Variants in IRAK2 observed in about 807,000 individuals in gnomAD.
The protein encoded by IRAK2 is interleukin 1 receptor associated kinase 2.
Under a neutral mutation model 72.0 loss-of-function variants are expected in IRAK2, and 57 were observed. The observed-to-expected ratio is 0.79, with a 90% CI of 0.64 to 0.99. The LOEUF (loss-of-function observed/expected upper bound fraction) is 0.99, where lower values mean the gene tolerates loss of function less well. Ranked by LOEUF, IRAK2 falls within the 50% of genes least tolerant of loss-of-function variation. IRAK2 has a pLI of 0.00. For synonymous variants in IRAK2, 293 were observed against 312.7 expected (o/e 0.94, Z 0.67); for missense variants, 790 against 794.4 (o/e 0.99, Z 0.07).
intron 10 of IRAK2, among the ~76,000 whole-genome samples, chr3:10,230,612 C>G (rs1697845416): frequency 6.6e-6 from 1 of 152,160 alleles, no homozygotes; most frequent in African/African-American, 2.4e-5. Context: ...CTCTGCCACC[C>G]TGGCTAGTAT....
chr3:10,218,459 G>A (rs1355951557), intron 7 of IRAK2, among the ~76,000 whole-genome samples: 1 of 148,756 alleles, frequency 6.7e-6, no homozygotes, highest in Non-Finnish European at 1.5e-5. Context: ...AAACGGTGAT[G>A]ATTTAGCCTG....
chr3:10,194,915 C>T (rs545868093), intron 2 of IRAK2, among the ~76,000 whole-genome samples: 14 of 152,276 alleles, frequency 9.2e-5, no homozygotes, highest in Admixed American at 3.3e-4. Flanking sequence ...GCTGGTGTGA[C>T]CTGGTGCCTC....
At chr3:10,194,867 T>C (rs1054293002) in intron 2 of IRAK2, among the ~76,000 whole-genome samples, 1 of 152,180 alleles carries the variant, frequency 6.6e-6, no homozygotes, top group Non-Finnish European at 1.5e-5. Context: ...GAACTTCTTG[T>C]TGGGGCTGAC....
chr3:10,165,443 G>C (rs1696667920), intron 1 of IRAK2, among the ~76,000 whole-genome samples: 2 of 152,172 alleles, frequency 1.3e-5, no homozygotes, highest in Admixed American at 1.3e-4. Context: ...GTGTGTGTGT[G>C]TGTGTGTGTG....
chr3:10,172,051 C>T (rs551292137), intron 1 of IRAK2, among the ~76,000 whole-genome samples: 154 of 152,198 alleles, frequency 1.0e-3, no homozygotes, highest in African/African-American at 3.5e-3. Flanking sequence ...GCCTGGCCAA[C>T]ATGGTGAAAC....
chr3:10,206,681 G>A (rs1390839950), intron 3 of IRAK2, among the ~76,000 whole-genome samples: 3 of 151,992 alleles, frequency 2.0e-5, no homozygotes, highest in Non-Finnish European at 2.9e-5. Flanking sequence ...TCAGCCTCCT[G>A]AGTAGCTGGG....
Position 10,177,912 on chromosome 3 carries a change from A to C in IRAK2, c.169A>C (p.Thr57Pro), listed in dbSNP as rs1282282173. 1 of 1,613,948 alleles carries C rather than the reference A, an allele frequency of 6.2e-7. No homozygotes were observed. Among genetic ancestry groups the C allele is most frequent in the Non-Finnish European group, 8.5e-7 (1 of 1,180,036 alleles). ...GGAGCGGGTGCAGGGTGTGAGCATC[A>C]CGCGGGAGCTGCTGTGGTGGTGGGG... Reference protein sequence around the residue: ...SMERVQGVSITRELLWWWGMR... With the variant: ...SMERVQGVSIPRELLWWWGMR... Residue 57 changes from threonine to proline, a missense_variant, in exon 2 of 13, where the codon ACG becomes CCG. Thr to Pro is a conservative substitution (Grantham distance 38). Coordinates refer to ENST00000256458, the MANE Select transcript of IRAK2 (RefSeq NM_001570.4).
chr3:10,178,007 G>A lies in IRAK2; in HGVS notation c.264G>A (p.Gln88=). Residue 88 remains glutamine, a synonymous_variant, in exon 2 of 13, where the codon CAG becomes CAA. Coordinates refer to ENST00000256458, the MANE Select transcript of IRAK2 (RefSeq NM_001570.4). The part of the protein sequence containing the change: ...LCRLELYRAA[Q]IILNWKPAPE... ...GCCTGGAGCTCTACCGGGCTGCCCAGATCATCCTGAACTGTGAGTAACTCA... is the reference window on the plus strand; with the variant it reads ...GCCTGGAGCTCTACCGGGCTGCCCAAATCATCCTGAACTGTGAGTAACTCA... The A allele has an allele frequency of 6.2e-7, 1 of 1,609,128 alleles. No homozygotes were observed. Among genetic ancestry groups the A allele is most frequent in the East Asian group, 2.2e-5 (1 of 44,828 alleles).
At chr3:10,225,782 TC>T (rs1697764302) in intron 9 of IRAK2, among the ~76,000 whole-genome samples, 1 of 151,500 alleles carries the variant, frequency 6.6e-6, no homozygotes, top group Admixed American at 6.6e-5. Flanking sequence ...CACTGCAAGA[TC>T]CACCTCCCAG....
chr3:10,199,881 G>A (rs71314391), intron 2 of IRAK2, among the ~76,000 whole-genome samples: 1,941 of 145,522 alleles, frequency 0.013, 32 homozygotes, highest in Admixed American at 0.029. Context: ...TTCAGCCACT[G>A]CTCTTTTTTT....
At chr3:10,233,706 C>T (rs961678741) in intron 10 of IRAK2, among the ~76,000 whole-genome samples, 4 of 152,096 alleles carry the variant, frequency 2.6e-5, no homozygotes, top group African/African-American at 9.7e-5. Context: ...AAGTGCTTAT[C>T]ATGTAGTAAG....
At chr3:10,223,367 C>G (rs1048120818) in intron 9 of IRAK2, among the ~76,000 whole-genome samples, 6 of 152,088 alleles carry the variant, frequency 3.9e-5, no homozygotes, top group Non-Finnish European at 8.8e-5. Flanking sequence ...TCCTTGTCTG[C>G]CATTATGTCG....
intron 2 of IRAK2, among the ~76,000 whole-genome samples, chr3:10,182,964 G>T (rs1696984522): frequency 2.0e-5 from 3 of 151,870 alleles, no homozygotes; most frequent in African/African-American, 7.3e-5. Flanking sequence ...TAGAGATGGG[G>T]TTTCACCATG....
intron 3 of IRAK2, among the ~76,000 whole-genome samples, chr3:10,208,066 G>C (rs1697458922): frequency 6.6e-6 from 1 of 151,010 alleles, no homozygotes; most frequent in South Asian, 2.1e-4. Flanking sequence ...AGATTAATCT[G>C]AAGACTAATG....
rs199981706 is a variant in IRAK2 at position 10,213,510 on chromosome 3, C to T, written c.750C>T (p.Ile250=). The change falls in exon 6 of 13, where the codon ATC becomes ATT. Residue 250 remains isoleucine, a synonymous_variant. Coordinates refer to ENST00000256458, the MANE Select transcript of IRAK2 (RefSeq NM_001570.4). The part of the protein sequence containing the change: ...RETACSSPGS[I]ERFFQAELQI... ...CAGCCTGTTCAAGTCCAGGATCAAT[C>T]GAAAGATTCTTCCAGGCAGAGTTGC... is the stretch of plus-strand genomic sequence containing the variant. The T allele has an allele frequency of 1.2e-6, 2 of 1,614,070 alleles. No homozygotes were observed. The highest frequency in any genetic ancestry group is 2.2e-5 in the East Asian group (1 of 44,868).
intron 1 of IRAK2, among the ~76,000 whole-genome samples, chr3:10,174,872 A>G (rs1696848419): frequency 1.3e-5 from 2 of 151,520 alleles, no homozygotes; most frequent in South Asian, 4.2e-4. Flanking sequence ...TCAGTAAACC[A>G]GTGGAATACT....
intron 10 of IRAK2, 142 bp downstream of exon 10, chr3:10,226,575 G>A (rs1697780296): frequency 3.2e-6 from 2 of 627,754 alleles, no homozygotes; most frequent in Admixed American, 5.5e-5. Flanking sequence ...CCACAAAGCA[G>A]CTTTAACCTC....
intron 7 of IRAK2, among the ~76,000 whole-genome samples, chr3:10,219,175 G>A (rs531247589): frequency 4.6e-5 from 7 of 152,306 alleles, no homozygotes; most frequent in African/African-American, 1.7e-4. Flanking sequence ...CTGGGTGACA[G>A]AGCAAGACCT....
intron 2 of IRAK2, among the ~76,000 whole-genome samples, chr3:10,191,588 C>T (rs1175236358): frequency 6.6e-6 from 1 of 152,138 alleles, no homozygotes; most frequent in African/African-American, 2.4e-5. Context: ...TGTTTGCTGC[C>T]TAAGGACCTT....
Sources: allele counts gnomAD v4.1 joint callset (sites outside exome capture counted in the v4.1 genomes callset), GRCh38; gene constraint gnomAD v4.1.1; transcripts MANE v1.5; gene names NCBI Gene and HGNC (gene_info 2026-07-23, HGNC 2026-07-21).